Variants in CLASP1 observed in about 807,000 individuals in gnomAD.
The protein encoded by CLASP1 is CLIP-associating protein 1.
CLASP1 carries 38 observed loss-of-function variants against 192.3 expected under a neutral mutation model. The ratio of observed to expected loss-of-function variants is 0.20; its 90% CI spans 0.15 to 0.26. The LOEUF (loss-of-function observed/expected upper bound fraction) is 0.26, where lower values mean the gene tolerates loss of function less well. CLASP1 is among the 10% of genes least tolerant of loss of function. The probability of loss-of-function intolerance (pLI) is 1.00; values close to 1 mark genes in which losing one functional copy is unlikely to be tolerated. For synonymous variants in CLASP1, 691 were observed against 712.8 expected (o/e 0.97, Z 0.49); for missense variants, 1,433 against 1,932.5 (o/e 0.74, Z 4.85).
intron 7 of CLASP1, 110 bp downstream of exon 7, chr2:121,515,555 T>G: frequency 3.6e-6 from 3 of 829,076 alleles, no homozygotes. Context: ...TTATATTCTT[T>G]GAATAAAATA....
At chr2:121,619,281 A>G (rs287790) in intron 1 of CLASP1, among the ~76,000 whole-genome samples, 45,780 of 152,114 alleles carry the variant, frequency 0.3, 11,086 homozygotes, top group African/African-American at 0.67. Flanking sequence ...TCTTATCTTT[A>G]TGCTTTCCTG....
intron 34 of CLASP1, among the ~76,000 whole-genome samples, chr2:121,370,730 C>T (rs1052614031): frequency 1.3e-5 from 2 of 152,212 alleles, no homozygotes; most frequent in African/African-American, 4.8e-5. Flanking sequence ...CACTTCCTGA[C>T]TCCTCCTGGC....
Position 121,497,741 on chromosome 2 carries a change from A to G in CLASP1, c.712+5426T>C, listed in dbSNP as rs375571957. Among the ~76,000 whole-genome samples, 6 of 152,094 alleles carry G rather than the reference A, an allele frequency of 3.9e-5. No homozygotes were observed. In the East Asian group the frequency reaches 1.2e-3, roughly 29 times the overall value. On this transcript the variant is annotated intron_variant, in intron 8 of 39. Coordinates refer to ENST00000263710, the Ensembl canonical transcript of CLASP1. ...TTTCTTTCTTTCTTTCTTTTTTTAGATGGAGTCTTGCTCTGTCACCCAGGC... is the reference window on the plus strand; with the variant it reads ...TTTCTTTCTTTCTTTCTTTTTTTAGGTGGAGTCTTGCTCTGTCACCCAGGC...
chr2:121,522,644 C>T (rs1187273274), intron 6 of CLASP1, among the ~76,000 whole-genome samples: 4 of 151,894 alleles, frequency 2.6e-5, no homozygotes, highest in African/African-American at 4.8e-5. Flanking sequence ...TTTTGTTTTT[C>T]GGTTGTATTA....
At chr2:121,454,298 T>C (rs1480457743) in intron 14 of CLASP1, among the ~76,000 whole-genome samples, 1 of 152,094 alleles carries the variant, frequency 6.6e-6, no homozygotes, top group African/African-American at 2.4e-5. Context: ...TAAGAAGAGA[T>C]AACAGGTAGC....
At chr2:121,478,777 A>ACCC (rs2092097406) in intron 8 of CLASP1, among the ~76,000 whole-genome samples, 1 of 62,602 alleles carries the variant, frequency 1.6e-5, no homozygotes, top group African/African-American at 6.1e-5. Context: ...CACCCCACAC[A>ACCC]CACACCCCAC....
At chr2:121,496,262 T>C (rs1402782643) in intron 8 of CLASP1, among the ~76,000 whole-genome samples, 2 of 152,190 alleles carry the variant, frequency 1.3e-5, no homozygotes, top group African/African-American at 2.4e-5. Flanking sequence ...CACAGATCAT[T>C]TAATAGACAC....
At chr2:121,412,332 TTATG>T (rs2077852081) in intron 23 of CLASP1, among the ~76,000 whole-genome samples, 1 of 152,176 alleles carries the variant, frequency 6.6e-6, no homozygotes, top group African/African-American at 2.4e-5. Context: ...ATCTTAACCA[TTATG>T]TTTAAAAGGT....
At chr2:121,424,668 CTA>C (rs1007333878) in intron 22 of CLASP1, among the ~76,000 whole-genome samples, 3 of 152,178 alleles carry the variant, frequency 2.0e-5, no homozygotes, top group Non-Finnish European at 4.4e-5. Context: ...TTAAACAAAT[CTA>C]TGTCAAAAGT....
rs75968023 is a variant in CLASP1 at position 121,624,008 on chromosome 2, T to A, written c.-285-17828A>T. Among the ~76,000 whole-genome samples, 116 of 152,244 alleles carry A rather than the reference T, an allele frequency of 7.6e-4. No homozygotes were observed. The East Asian group carries it at 0.022, about 29-fold the overall frequency. ...AATTTCCATGTAAGGTCAGTAGTGATGTCCCTTCTTTCATTCCTCATTTTA... is the reference window on the plus strand; with the variant it reads ...AATTTCCATGTAAGGTCAGTAGTGAAGTCCCTTCTTTCATTCCTCATTTTA... On this transcript the variant is annotated intron_variant, in intron 1 of 39. Coordinates refer to ENST00000263710, the Ensembl canonical transcript of CLASP1.
intron 1 of CLASP1, among the ~76,000 whole-genome samples, chr2:121,630,308 T>A (rs2069262664): frequency 6.6e-6 from 1 of 151,886 alleles, no homozygotes; most frequent in African/African-American, 2.4e-5. Context: ...GTAATCCTGA[T>A]ATCACAATCA....
chr2:121,612,307 G>A (rs1280255451), intron 1 of CLASP1, among the ~76,000 whole-genome samples: 1 of 151,422 alleles, frequency 6.6e-6, no homozygotes, highest in African/African-American at 2.4e-5. Flanking sequence ...ACAAGAAGAA[G>A]AGTATGAGGA....
intron 7 of CLASP1, among the ~76,000 whole-genome samples, chr2:121,514,745 C>G (rs771979107): frequency 3.3e-5 from 5 of 152,158 alleles, no homozygotes; most frequent in African/African-American, 1.2e-4. Context: ...ACAGTTGACT[C>G]CTGTATATTT....
chr2:121,496,155 T>C (rs1422145062), intron 8 of CLASP1, among the ~76,000 whole-genome samples: 1 of 152,234 alleles, frequency 6.6e-6, no homozygotes, highest in Non-Finnish European at 1.5e-5. Context: ...TAACTACTGT[T>C]TGGCATACAC....
At chr2:121,640,574 T>C (rs2071858750) in intron 1 of CLASP1, among the ~76,000 whole-genome samples, 1 of 152,152 alleles carries the variant, frequency 6.6e-6, no homozygotes, top group South Asian at 2.1e-4. Flanking sequence ...TCTGCATCTC[T>C]ACATCCCTCC....
intron 1 of CLASP1, among the ~76,000 whole-genome samples, chr2:121,618,646 C>T (rs1016805672): frequency 1.2e-4 from 18 of 151,694 alleles, no homozygotes; most frequent in African/African-American, 4.1e-4. Flanking sequence ...TACCTTTATG[C>T]ATTATGAATG....
intron 1 of CLASP1, among the ~76,000 whole-genome samples, chr2:121,643,373 C>T (rs537378894): frequency 6.6e-5 from 10 of 152,110 alleles, no homozygotes; most frequent in Non-Finnish European, 1.3e-4. Context: ...GATGATGTAG[C>T]TAGGAAACAG....
intron 2 of CLASP1, among the ~76,000 whole-genome samples, chr2:121,596,824 GC>G (rs552462193): frequency 9.2e-5 from 14 of 152,184 alleles, no homozygotes; most frequent in Non-Finnish European, 1.9e-4. Context: ...TTCCTATGAT[GC>G]AATTTAGCAC....
intron 2 of CLASP1, among the ~76,000 whole-genome samples, chr2:121,544,767 G>C (rs768319096): frequency 6.6e-6 from 1 of 152,016 alleles, no homozygotes; most frequent in African/African-American, 2.4e-5. Context: ...AACCAAAAAA[G>C]TGAAAAACAT....
Sources: gnomAD v4.1 joint callset for allele counts (sites outside exome capture counted in the v4.1 genomes callset) on GRCh38, gnomAD v4.1.1 for gene constraint, MANE v1.5 for transcripts, NCBI Gene and HGNC (gene_info 2026-07-23, HGNC 2026-07-21) for gene names.